Variants in GASK1A observed in about 807,000 individuals in gnomAD.
GASK1A encodes the protein golgi associated kinase 1A.
A neutral mutation model predicts 41.2 loss-of-function variants in GASK1A; 40 were observed. That is an observed-to-expected ratio of 0.97 (90% CI 0.75 to 1.27). The LOEUF (loss-of-function observed/expected upper bound fraction) is 1.27, where lower values mean the gene tolerates loss of function less well. Among genes scored for constraint, GASK1A ranks in the 50% most tolerant of loss-of-function variants. The pLI is 0.00. For synonymous variants in GASK1A, 316 were observed against 307.1 expected, an observed-to-expected ratio of 1.03 and a Z score of -0.30; for missense variants, 678 against 745.1, an observed-to-expected ratio of 0.91 and a Z score of 1.05.
chr3:43,033,618 T>G, intron 2 of GASK1A, 65 bp downstream of exon 2: 1 of 1,394,262 alleles, frequency 7.2e-7, no homozygotes, highest in South Asian at 1.5e-5. Flanking sequence ...TGGAGAGGCC[T>G]GAATTGCCCA....
chr3:43,021,236 A>G (rs145225663), intron 1 of GASK1A, among the ~76,000 whole-genome samples: 1,668 of 151,450 alleles, frequency 0.011, 21 homozygotes, highest in Non-Finnish European at 0.016. Flanking sequence ...TTCTCCTTTA[A>G]CTCCCTGACA....
At chr3:42,996,029 C>G (rs2089367388) in intron 1 of GASK1A, among the ~76,000 whole-genome samples, 1 of 152,192 alleles carries the variant, frequency 6.6e-6, no homozygotes, top group South Asian at 2.1e-4. Flanking sequence ...GCTAATTCAG[C>G]TGTGGATGTG....
intron 1 of GASK1A, among the ~76,000 whole-genome samples, chr3:42,994,804 G>A (rs1256370738): frequency 6.6e-6 from 1 of 151,814 alleles, no homozygotes; most frequent in Non-Finnish European, 1.5e-5. Context: ...ATCCACCACA[G>A]TGTAGATGTG....
intron 1 of GASK1A, among the ~76,000 whole-genome samples, chr3:43,015,064 T>A (rs1251287199): frequency 6.7e-6 from 1 of 149,616 alleles, no homozygotes; most frequent in Non-Finnish European, 1.5e-5. Context: ...AGTGGCTGTG[T>A]GAAGCCACTA....
chr3:43,039,708 G>T (rs1334552900), intron 2 of GASK1A, among the ~76,000 whole-genome samples: 1 of 152,046 alleles, frequency 6.6e-6, no homozygotes, highest in Non-Finnish European at 1.5e-5. Flanking sequence ...TTCCTTCTTT[G>T]TGTGGCCCCT....
chr3:42,987,555 GTAACT>G (rs762797647), intron 1 of GASK1A, among the ~76,000 whole-genome samples: 32 of 151,846 alleles, frequency 2.1e-4, no homozygotes, highest in Admixed American at 5.3e-4. Flanking sequence ...ATATATAGAA[GTAACT>G]TAACAATGAT....
chr3:43,008,838 G>T (rs970506481), intron 1 of GASK1A, among the ~76,000 whole-genome samples: 1 of 152,164 alleles, frequency 6.6e-6, no homozygotes, highest in Non-Finnish European at 1.5e-5. Flanking sequence ...CTCTTCACAC[G>T]CTTTCCTCTC....
intron 1 of GASK1A, among the ~76,000 whole-genome samples, chr3:43,019,791 C>G (rs1241516658): frequency 2.0e-5 from 3 of 151,848 alleles, no homozygotes; most frequent in African/African-American, 4.8e-5. Context: ...CACACACACC[C>G]CATCACATGG....
At chr3:43,053,424 G>A in intron 2 of GASK1A, 97 bp from the exon 3 acceptor site, 2 of 1,371,140 alleles carry the variant, frequency 1.5e-6, no homozygotes, top group Non-Finnish European at 1.9e-6. Flanking sequence ...GTGGCCCCAG[G>A]GTCATGTAGG....
At chr3:43,010,368 C>T (rs982038152) in intron 1 of GASK1A, among the ~76,000 whole-genome samples, 2 of 152,154 alleles carry the variant, frequency 1.3e-5, no homozygotes, top group Non-Finnish European at 2.9e-5. Flanking sequence ...CTCAAGAAAG[C>T]CTAGTTCTTG....
At chr3:43,045,210 C>G (rs1382192595) in intron 2 of GASK1A, among the ~76,000 whole-genome samples, 1 of 152,154 alleles carries the variant, frequency 6.6e-6, no homozygotes, top group Non-Finnish European at 1.5e-5. Context: ...CCAGAGGCTA[C>G]AGGGGTTTTA....
At chr3:43,035,331 A>G (rs1041129764) in intron 2 of GASK1A, among the ~76,000 whole-genome samples, 1 of 152,136 alleles carries the variant, frequency 6.6e-6, no homozygotes, top group Non-Finnish European at 1.5e-5. Flanking sequence ...AGTGTGGCCA[A>G]CCATGCAGGT....
intron 2 of GASK1A, among the ~76,000 whole-genome samples, chr3:43,045,240 T>C (rs1390396532): frequency 6.6e-6 from 1 of 152,180 alleles, no homozygotes; most frequent in Non-Finnish European, 1.5e-5. Context: ...CCCTGGATTC[T>C]ATCCAAGCCA....
At chr3:43,041,169 G>C (rs1488739507) in intron 2 of GASK1A, among the ~76,000 whole-genome samples, 4 of 150,022 alleles carry the variant, frequency 2.7e-5, no homozygotes, top group Admixed American at 6.7e-5. Flanking sequence ...ATTGTGAATA[G>C]TGCCGCAATA....
chr3:42,990,967 G>A lies in GASK1A; in HGVS notation c.3+11322G>A, dbSNP rs148550610. Among the ~76,000 whole-genome samples the A allele has an allele frequency of 2.6e-5, 4 of 152,222 alleles. No homozygotes were observed. The East Asian group carries it at 7.7e-4, about 29-fold the overall frequency. The stretch of plus-strand genomic sequence containing the variant: ...GGCATGTATGCAAATGATGGGTGCG[G>A]TTATCTCACTCTTTTCACCCCAGCC... On this transcript the variant is annotated intron_variant, in intron 1 of 4. Coordinates refer to ENST00000430121, the MANE Select transcript of GASK1A (RefSeq NM_001129908.3).
intron 1 of GASK1A, among the ~76,000 whole-genome samples, chr3:43,010,768 T>C (rs1234999335): frequency 6.6e-6 from 1 of 152,248 alleles, no homozygotes; most frequent in Non-Finnish European, 1.5e-5. Flanking sequence ...TTGCCATTTG[T>C]TCTCCAAGGA....
chr3:43,038,383 C>T (rs2089615349), intron 2 of GASK1A, among the ~76,000 whole-genome samples: 1 of 152,116 alleles, frequency 6.6e-6, no homozygotes, highest in Non-Finnish European at 1.5e-5. Context: ...GATGTTAATT[C>T]TGTTTAGTCA....
At chr3:43,048,846 C>T (rs2089675765) in intron 2 of GASK1A, among the ~76,000 whole-genome samples, 1 of 152,122 alleles carries the variant, frequency 6.6e-6, no homozygotes, top group Admixed American at 6.5e-5. Context: ...AAAGCATCTA[C>T]CATAGTTTCA....
intron 4 of GASK1A, 131 bp downstream of exon 4, chr3:43,055,666 T>C: frequency 1.5e-6 from 1 of 685,060 alleles, no homozygotes; most frequent in East Asian, 2.8e-5. Flanking sequence ...GGATCAGAAC[T>C]TTAGGCGGTG....
Sources: allele counts gnomAD v4.1 joint callset (sites outside exome capture counted in the v4.1 genomes callset), GRCh38; gene constraint gnomAD v4.1.1; transcripts MANE v1.5; gene names NCBI Gene and HGNC (gene_info 2026-07-23, HGNC 2026-07-21).